The following F11R variants were observed in gnomAD, a reference collection of about 807,000 sequenced individuals.
F11R encodes the protein junctional adhesion molecule A.
A neutral mutation model predicts 39.3 loss-of-function variants in F11R; 27 were observed. The ratio of observed to expected loss-of-function variants is 0.69; its 90% CI spans 0.51 to 0.95. The LOEUF is 0.95. Among genes scored for constraint, F11R ranks in the 40% least tolerant of loss-of-function variants. F11R has a pLI of 0.00. For missense variants in F11R, 335 were observed against 372.7 expected (o/e 0.90, Z 0.83); for synonymous variants, 131 against 144.9 (o/e 0.90, Z 0.69).
At chr1:161,009,695 C>A (rs1196742915) in intron 1 of F11R, among the ~76,000 whole-genome samples, 1 of 151,834 alleles carries the variant, frequency 6.6e-6, no homozygotes, top group African/African-American at 2.4e-5. Context: ...GGGCCGGGTG[C>A]GGTGGCTCAC....
At chr1:161,020,892 A>G (rs1649722659) in intron 1 of F11R, 118 bp downstream of exon 1, 2 of 882,466 alleles carry the variant, frequency 2.3e-6, no homozygotes, top group Non-Finnish European at 3.8e-6. Flanking sequence ...GATAATTCGC[A>G]GAACGATATA....
At chr1:161,003,205 C>A (rs1304085600) in intron 1 of F11R, among the ~76,000 whole-genome samples, 1 of 151,150 alleles carries the variant, frequency 6.6e-6, no homozygotes, top group East Asian at 1.9e-4. Context: ...CTCACCGCAA[C>A]CTCCACCTTC....
chr1:161,013,636 G>A (rs1017527548), intron 1 of F11R, among the ~76,000 whole-genome samples: 3 of 152,332 alleles, frequency 2.0e-5, no homozygotes, highest in African/African-American at 7.2e-5. Flanking sequence ...GTGAGCAAGA[G>A]GAAGGCTCTG....
chr1:161,010,441 CAAAAA>C (rs1248451719), intron 1 of F11R, among the ~76,000 whole-genome samples: 1 of 80,284 alleles, frequency 1.2e-5, no homozygotes, highest in South Asian at 5.2e-4. Context: ...GAGACTCCAT[CAAAAA>C]AAAAAAAAAA....
Position 161,000,741 on chromosome 1 carries a change from C to G in F11R, c.278G>C (p.Gly93Ala). 1 of 1,614,080 alleles carries G rather than the reference C, an allele frequency of 6.2e-7. No individual in the cohort carries two copies. The highest frequency in any genetic ancestry group is 1.1e-5 in the South Asian group (1 of 91,064). Residue 93 changes from glycine to alanine, a missense_variant, in exon 4 of 10, where the codon GGT becomes GCT. Gly to Ala is a moderately conservative substitution (Grantham distance 60, BLOSUM62 0). Coordinates refer to ENST00000368026, the MANE Select transcript of F11R (RefSeq NM_016946.6). ...CCGTGTCACGGACTTGAAGGTGATA[C>G]CAGTTGGCAAGAAGGTCACCCGGTC... ...YEDRVTFLPTGITFKSVTRED... is the reference protein window; with the variant it reads ...YEDRVTFLPTAITFKSVTRED...
At chr1:161,015,291 G>A (rs2483150) in intron 1 of F11R, among the ~76,000 whole-genome samples, 4,066 of 150,320 alleles carry the variant, frequency 0.027, 168 homozygotes, top group African/African-American at 0.092. Flanking sequence ...CCAGCTACTC[G>A]GGAGGCTGAG....
rs1167574234 is a variant in F11R, at chr1:160,999,869, C to T, written c.694+7G>A. Reference sequence around the variant, plus strand: ...CCCCAGGTCTGGGCTCAAGCCCTAACTCTCACCAGCTTCCATGCGCACAGC... The same window carrying T: ...CCCCAGGTCTGGGCTCAAGCCCTAATTCTCACCAGCTTCCATGCGCACAGC... On this transcript the variant is annotated splice_region_variant and intron_variant, in intron 6 of 9. Coordinates refer to ENST00000368026, the MANE Select transcript of F11R (RefSeq NM_016946.6). The T allele has an allele frequency of 6.2e-7, 1 of 1,613,902 alleles. No individual in the cohort carries two copies. The highest frequency in any genetic ancestry group is 8.5e-7 in the Non-Finnish European group (1 of 1,179,826).
intron 6 of F11R, 35 bp downstream of exon 6, chr1:160,999,841 C>T: frequency 6.2e-7 from 1 of 1,609,948 alleles, no homozygotes; most frequent in Non-Finnish European, 8.5e-7. Context: ...ACCCCAATCC[C>T]CACCCCAGGT....
Position 160,999,761 on chromosome 1 carries a change from A to AT in F11R, c.695-15dup. On this transcript the variant is annotated splice_polypyrimidine_tract_variant and intron_variant, in intron 6 of 9. Coordinates refer to ENST00000368026, the MANE Select transcript of F11R (RefSeq NM_016946.6). ...CATTCCGCTCCACTGCGAGACACAA[A>AT]TAAGAAGTCAGGCACGGGGATACTC... 8 of 1,613,758 alleles carry AT rather than the reference A, an allele frequency of 5.0e-6. No individual in the cohort carries two copies. Among genetic ancestry groups the AT allele is most frequent in the Non-Finnish European group, 6.8e-6 (8 of 1,179,648 alleles).
At chr1:161,007,167 C>CAA (rs558492593) in intron 1 of F11R, among the ~76,000 whole-genome samples, 29,794 of 93,848 alleles carry the variant, frequency 0.32, 3,875 homozygotes, top group Middle Eastern at 0.41. Context: ...AACTCCGTCT[C>CAA]AAAAAAAAAA....
intron 1 of F11R, among the ~76,000 whole-genome samples, chr1:161,005,449 C>T (rs1466398528): frequency 6.6e-6 from 1 of 151,824 alleles, no homozygotes; most frequent in Non-Finnish European, 1.5e-5. Context: ...GTTGGGACTA[C>T]AGGCCTCTGT....
intron 4 of F11R, 38 bp downstream of exon 4, chr1:161,000,593 C>G: frequency 6.2e-7 from 1 of 1,613,438 alleles, no homozygotes; most frequent in Non-Finnish European, 8.5e-7. Flanking sequence ...TGAGAAGTAA[C>G]TAACTCCAGG....
intron 1 of F11R, among the ~76,000 whole-genome samples, chr1:161,019,958 A>G (rs1649664818): frequency 6.6e-6 from 1 of 152,154 alleles, no homozygotes; most frequent in African/African-American, 2.4e-5. Context: ...ATCTACATAC[A>G]CCAAACTGAT....
chr1:161,005,364 C>T (rs1258074412), intron 1 of F11R, among the ~76,000 whole-genome samples: 1 of 150,926 alleles, frequency 6.6e-6, no homozygotes. Context: ...AGTTCAGTGG[C>T]ACCATTATGG....
chr1:161,003,597 G>C (rs1231427232), intron 1 of F11R, among the ~76,000 whole-genome samples: 2 of 151,080 alleles, frequency 1.3e-5, no homozygotes, highest in Non-Finnish European at 2.9e-5. Context: ...TTTTTGTTGA[G>C]ACAGAGTCTC....
chr1:160,999,499 G>T, intron 7 of F11R, 91 bp from the exon 8 acceptor site: 1 of 1,573,286 alleles, frequency 6.4e-7, no homozygotes. Flanking sequence ...AGCTCTTGGT[G>T]TTAGATGGGT....
intron 1 of F11R, among the ~76,000 whole-genome samples, chr1:161,006,066 A>G (rs1351541725): frequency 2.0e-5 from 3 of 151,184 alleles, no homozygotes; most frequent in African/African-American, 4.9e-5. Flanking sequence ...TGAACCCGGG[A>G]GGCGAAGGTT....
chr1:160,996,445 C>T lies in F11R; in HGVS notation c.*2426G>A, dbSNP rs1466198373. ...TATCCTTCCTACTCTGTCTTCCAAC[C>T]ATGACACAGAACTGAAACATACTTT... is the stretch of plus-strand genomic sequence containing the variant. On this transcript the variant is annotated 3_prime_UTR_variant, in exon 10 of 10. Coordinates refer to ENST00000368026, the MANE Select transcript of F11R (RefSeq NM_016946.6). The T allele has an allele frequency of 6.6e-6, 1 of 152,306 alleles. No individual in the cohort carries two copies. Among genetic ancestry groups the T allele is most frequent in the African/African-American group, 2.4e-5 (1 of 41,438 alleles). The allele number at this position is 152,306 out of a possible 1,614,324, so 9.4% of individuals were successfully genotyped here.
At chr1:161,006,930 G>GA (rs1373358372) in intron 1 of F11R, among the ~76,000 whole-genome samples, 6 of 151,184 alleles carry the variant, frequency 4.0e-5, no homozygotes, top group African/African-American at 1.5e-4. Context: ...TTTAGGAGGC[G>GA]AAGCAGGTGG....
Sources: gnomAD v4.1 joint callset for allele counts (sites outside exome capture counted in the v4.1 genomes callset) on GRCh38, gnomAD v4.1.1 for gene constraint, MANE v1.5 for transcripts, NCBI Gene and HGNC (gene_info 2026-07-23, HGNC 2026-07-21) for gene names.